The following MAP3K21 variants were observed in gnomAD, a reference collection of about 807,000 sequenced individuals.
MAP3K21 encodes mitogen-activated protein kinase kinase kinase 21.
Under a neutral mutation model 86.1 loss-of-function variants are expected in MAP3K21, and 63 were observed. The ratio of observed to expected loss-of-function variants is 0.73; its 90% confidence interval spans 0.60 to 0.90. The LOEUF is 0.90. Among genes scored for constraint, MAP3K21 ranks in the 40% least tolerant of loss-of-function variants. The probability of loss-of-function intolerance (pLI) is 0.00; values close to 1 mark genes in which losing one functional copy is unlikely to be tolerated. For missense variants in MAP3K21, 1,220 were observed against 1,367.7 expected, an observed-to-expected ratio of 0.89 and a Z score of 1.70; for synonymous variants, 558 against 564.8, an observed-to-expected ratio of 0.99 and a Z score of 0.17.
At chr1:233,345,283 G>A (rs143324304) in intron 1 of MAP3K21, among the ~76,000 whole-genome samples, 385 of 152,188 alleles carry the variant, frequency 2.5e-3, no homozygotes, top group Middle Eastern at 0.024. Context: ...AAATGCACAC[G>A]TATCTTTATT....
Position 233,375,925 on chromosome 1 carries a change from A to G in MAP3K21, c.1685A>G (p.Asp562Gly). ...ATAATGTTCTTTTTAGTGACTTCAG[A>G]TGAAAGCAATAAAACTTGGGGAAGG... ...PRLRAIQLTS[D>G]ESNKTWGRNT... Residue 562 changes from aspartate (D) to glycine (G), a missense_variant, in exon 7 of 10, where the codon GAT becomes GGT. Asp to Gly is a moderately conservative substitution (Grantham distance 94). Coordinates refer to ENST00000366624, the MANE Select transcript of MAP3K21 (RefSeq NM_032435.3). 6.2e-7 allele frequency: 1 copy of G among 1,611,182 alleles called. No individual in the cohort carries two copies. Among genetic ancestry groups the G allele is most frequent in the East Asian group, 2.2e-5 (1 of 44,752 alleles).
rs149640284 is a variant in MAP3K21, at chr1:233,339,053, T to G, written c.806-7389T>G. On this transcript the variant is annotated intron_variant, in intron 1 of 9. Coordinates refer to ENST00000366624, the MANE Select transcript of MAP3K21 (RefSeq NM_032435.3). ...CAGGGAGACAGGGAGGACCCAAGAATAGCTAGAAGTAAAGGGTAAAATCAG... is the reference window on the plus strand; with the variant it reads ...CAGGGAGACAGGGAGGACCCAAGAAGAGCTAGAAGTAAAGGGTAAAATCAG... Among the ~76,000 whole-genome samples the G allele has an allele frequency of 2.7e-3, 415 of 152,144 alleles. 1 individual carries two copies. The highest frequency in any genetic ancestry group is 4.3e-3 in the Admixed American group (65 of 15,288).
Position 233,382,611 on chromosome 1 carries a change from T to C in MAP3K21, c.3011T>C (p.Val1004Ala), listed in dbSNP as rs1663939962. The change falls in exon 10 of 10, where the codon GTG (valine) becomes GCG (alanine). Residue 1004 changes from valine (V) to alanine (A), a missense_variant. Around this residue, in one of 5 missense-constraint regions of MAP3K21, gnomAD observed 632 missense variants for 691.3 expected, o/e 0.91. Coordinates refer to ENST00000366624, the MANE Select transcript of MAP3K21 (RefSeq NM_032435.3). ...GTGCCTTCATTACTGGATGCTGACG[T>C]GGAAGGTCAGAGCAGGGACTACACT... ...SHVPSLLDAD[V>A]EGQSRDYTVP... 5 of 1,614,162 alleles carry C rather than the reference T, an allele frequency of 3.1e-6. No individual in the cohort carries two copies. In the East Asian group the frequency reaches 1.1e-4, roughly 36 times the overall value.
chr1:233,328,552 T>G lies in MAP3K21; in HGVS notation c.524T>G (p.Phe175Cys). 1 of 1,533,754 alleles carries G rather than the reference T, an allele frequency of 6.5e-7. No individual in the cohort carries two copies. The highest frequency in any genetic ancestry group is 8.7e-7 in the Non-Finnish European group (1 of 1,151,308). Residue 175 changes from phenylalanine (F) to cysteine (C), a missense_variant, in exon 1 of 10, where the codon TTC becomes TGC. Physicochemically the swap from Phe to Cys is radical, Grantham distance 205. This residue lies in a region of MAP3K21 where 369 missense variants were observed against 385.3 expected (regional missense o/e 0.96). Coordinates refer to ENST00000366624, the MANE Select transcript of MAP3K21 (RefSeq NM_032435.3). This position sits in a 1 kb window ranked among gnomAD's most constrained non-coding sequence, Gnocchi z 8.7. ...AGCGTGCGGCGCGAGGCTCGGCTCT[T>G]CGCCATGCTGCGGCACCCCAACATC... ...AESVRREARLFAMLRHPNIIE... is the reference protein window; with the variant it reads ...AESVRREARLCAMLRHPNIIE...
intron 1 of MAP3K21, among the ~76,000 whole-genome samples, chr1:233,343,868 A>T (rs1331336570): frequency 6.6e-6 from 1 of 152,238 alleles, no homozygotes; most frequent in African/African-American, 2.4e-5. Flanking sequence ...TACTAAAACT[A>T]ACATTTGAAA....
chr1:233,344,790 A>G (rs895000706), intron 1 of MAP3K21, among the ~76,000 whole-genome samples: 6 of 152,248 alleles, frequency 3.9e-5, no homozygotes, highest in Non-Finnish European at 7.3e-5. Context: ...CAGAGTGAAC[A>G]GACAACCTAC....
intron 5 of MAP3K21, among the ~76,000 whole-genome samples, chr1:233,368,886 T>C (rs1663630602): frequency 6.6e-6 from 1 of 151,068 alleles, no homozygotes; most frequent in African/African-American, 2.4e-5. Flanking sequence ...ATATATGCAG[T>C]CTCTGCACTC....
Position 233,353,886 on chromosome 1 carries a change from G to A in MAP3K21, c.1066G>A (p.Val356Ile). 1 of 1,613,372 alleles carries A rather than the reference G, an allele frequency of 6.2e-7. No individual in the cohort carries two copies. Among genetic ancestry groups the A allele is most frequent in the Non-Finnish European group, 8.5e-7 (1 of 1,179,764 alleles). ...GIDGLAVAYG[V>I]AVNKLTLPIP... ...TGATGGCCTCGCCGTGGCTTATGGG[G>A]TAGCAGTCAATAAACTCACTTTGCC... The change falls in exon 3 of 10, where the codon GTA (valine) becomes ATA (isoleucine). Residue 356 changes from valine to isoleucine, a missense_variant. Physicochemically the swap from Val to Ile is conservative, Grantham distance 29. Transcript: ENST00000366624.
At chr1:233,339,266 TCC>T (rs1662977401) in intron 1 of MAP3K21, among the ~76,000 whole-genome samples, 1 of 25,182 alleles carries the variant, frequency 4.0e-5, no homozygotes, top group Non-Finnish European at 8.2e-5. Flanking sequence ...TTCTTCTTCT[TCC>T]TCTTCTTCTT....
intron 1 of MAP3K21, among the ~76,000 whole-genome samples, chr1:233,334,789 T>G (rs1006910514): frequency 2.0e-5 from 3 of 152,138 alleles, no homozygotes; most frequent in Non-Finnish European, 4.4e-5. Flanking sequence ...GGTCATTGCT[T>G]TATGACTGTA....
At chr1:233,370,292 G>A (rs1342061822) in intron 5 of MAP3K21, among the ~76,000 whole-genome samples, 2 of 152,144 alleles carry the variant, frequency 1.3e-5, no homozygotes, top group African/African-American at 2.4e-5. Flanking sequence ...ATTTTTGTCA[G>A]TAAAGATACT....
At chr1:233,354,790 A>AATGTCTTGGGGATAATCAC in intron 3 of MAP3K21, 46 bp from the exon 4 acceptor site, 1 of 1,472,032 alleles carries the variant, frequency 6.8e-7, no homozygotes, top group Non-Finnish European at 9.4e-7. Context: ...TAGCAACTCT[A>AATGTCTTGGGGATAATCAC]AACTGCGTTG....
Position 233,328,707 on chromosome 1 carries a change from C to G in MAP3K21, c.679C>G (p.Arg227Gly), listed in dbSNP as rs1274845070. The change falls in exon 1 of 10, where the codon CGC becomes GGC. Residue 227 changes from arginine to glycine, a missense_variant. By Grantham distance (125) the Arg-to-Gly change is moderately radical. Coordinates refer to ENST00000366624, the MANE Select transcript of MAP3K21 (RefSeq NM_032435.3). The surrounding 1 kb of genome is among the most constrained non-coding windows in gnomAD (Gnocchi z 8.7). ...AAPDPRAPGP[R>G]RARRIPPHVL... ...CCCGGACCCGCGCGCGCCCGGCCCC[C>G]GCCGCGCGCGCCGCATCCCTCCGCA... is the stretch of plus-strand genomic sequence containing the variant. The G allele has an allele frequency of 4.3e-6, 6 of 1,384,660 alleles. No individual in the cohort carries two copies. Among genetic ancestry groups the G allele is most frequent in the Non-Finnish European group, 4.7e-6 (5 of 1,062,676 alleles). The allele number at this position is 1,384,660 out of a possible 1,614,324, so 85.8% of individuals were successfully genotyped here. A position where few individuals can be genotyped will look rare whatever the true frequency, so the allele number is the denominator to read the frequency against.
Position 233,328,670 on chromosome 1 carries a change from T to G in MAP3K21, c.642T>G (p.Ala214=), listed in dbSNP as rs1383942398. 7.5e-7 allele frequency: 1 copy of G among 1,334,104 alleles called. No homozygotes were observed. Among genetic ancestry groups the G allele is most frequent in the African/African-American group, 1.5e-5 (1 of 64,724 alleles). 82.6% of individuals were successfully genotyped at this position (1,334,104 alleles called of 1,614,324 possible). ...RGGALNRALA[A]ANAAPDPRAP... Reference sequence around the variant, plus strand: ...GAGCGCTCAACCGAGCGCTGGCCGCTGCCAACGCCGCCCCGGACCCGCGCG... The same window carrying G: ...GAGCGCTCAACCGAGCGCTGGCCGCGGCCAACGCCGCCCCGGACCCGCGCG... The change falls in exon 1 of 10, where the codon GCT becomes GCG. Residue 214 remains alanine, a synonymous_variant. Coordinates refer to ENST00000366624, the MANE Select transcript of MAP3K21 (RefSeq NM_032435.3). This position sits in a 1 kb window ranked among gnomAD's most constrained non-coding sequence, Gnocchi z 8.7.
At chr1:233,357,343 T>C (rs573990282) in intron 4 of MAP3K21, among the ~76,000 whole-genome samples, 4 of 151,790 alleles carry the variant, frequency 2.6e-5, no homozygotes, top group African/African-American at 9.7e-5. Context: ...ACAGGGCGCA[T>C]GTATACATAT....
chr1:233,382,335 C>T lies in MAP3K21; in HGVS notation c.2735C>T (p.Ala912Val). 6.2e-7 allele frequency: 1 copy of T among 1,613,970 alleles called. No homozygotes were observed. The highest frequency in any genetic ancestry group is 1.3e-5 in the African/African-American group (1 of 75,016). ...GCAACTATTATCTCAGCCACTGGAG[C>T]CTCTGCACTGCCACTCTGCCCCTCA... ...TGATIISATG[A>V]SALPLCPSPA... Residue 912 changes from alanine (A) to valine (V), a missense_variant, in exon 10 of 10, where the codon GCC (alanine) becomes GTC (valine). Ala to Val is a moderately conservative substitution (Grantham distance 64). Transcript: ENST00000366624.
chr1:233,370,378 C>T (rs923619106), intron 5 of MAP3K21, among the ~76,000 whole-genome samples: 3 of 152,128 alleles, frequency 2.0e-5, no homozygotes, highest in African/African-American at 4.8e-5. Flanking sequence ...TCTAAGTTTG[C>T]TAACTCCATA....
intron 9 of MAP3K21, 38 bp from the exon 10 acceptor site, chr1:233,382,267 T>A: frequency 6.5e-7 from 1 of 1,538,744 alleles, no homozygotes. Context: ...GAACTCATTT[T>A]CTTTCTAACT....
chr1:233,348,501 T>C (rs921282191), intron 2 of MAP3K21, among the ~76,000 whole-genome samples: 1 of 152,230 alleles, frequency 6.6e-6, no homozygotes, highest in African/African-American at 2.4e-5. Flanking sequence ...ACTATATATC[T>C]AGGAGTAGTA....
Sources: gnomAD v4.1 joint callset for allele counts (sites outside exome capture counted in the v4.1 genomes callset) on GRCh38, gnomAD v4.1.1 for gene constraint, gnomAD v4.1.1 regional missense constraint, Gnocchi (gnomAD v3.1) non-coding constraint, MANE v1.5 for transcripts, NCBI Gene and HGNC (gene_info 2026-07-23, HGNC 2026-07-21) for gene names.